Variants in KALRN observed in about 807,000 individuals in gnomAD.
KALRN encodes kalirin RhoGEF kinase, also known as kalirin.
Under a neutral mutation model 353.7 loss-of-function variants are expected in KALRN, and 70 were observed. The observed-to-expected ratio is 0.20, with a 90% confidence interval of 0.16 to 0.24. The LOEUF is 0.24. Among genes scored for constraint, KALRN ranks in the 10% least tolerant of loss-of-function variants. KALRN has a pLI of 1.00. For synonymous variants in KALRN, 1,391 were observed against 1,434.8 expected (o/e 0.97, Z 0.69); for missense variants, 2,791 against 3,756.7 (o/e 0.74, Z 6.72).
intron 49 of KALRN, among the ~76,000 whole-genome samples, chr3:124,676,699 C>A (rs546915870): frequency 3.3e-5 from 5 of 152,342 alleles, no homozygotes; most frequent in African/African-American, 1.2e-4. Context: ...GCTGCCTGCC[C>A]TGGGAGTCCT....
At chr3:124,641,770 A>C (rs971479139) in intron 37 of KALRN, among the ~76,000 whole-genome samples, 3 of 152,228 alleles carry the variant, frequency 2.0e-5, no homozygotes, top group Non-Finnish European at 4.4e-5. Context: ...GCTTGGTATG[A>C]AGCTGGGCAC....
At chr3:124,634,009 T>A (rs1291371672) in intron 36 of KALRN, 56 bp downstream of exon 36, 10 of 1,403,840 alleles carry the variant, frequency 7.1e-6, no homozygotes, top group Non-Finnish European at 9.0e-6. Flanking sequence ...GTGATTTTGT[T>A]TTTTGTGTGT....
At chr3:124,391,361 A>G (rs972063435) in intron 11 of KALRN, among the ~76,000 whole-genome samples, 2 of 152,152 alleles carry the variant, frequency 1.3e-5, no homozygotes, top group Non-Finnish European at 2.9e-5. Context: ...ACCAACGTGG[A>G]AGACAGTGGG....
chr3:124,121,660 T>C (rs911379326), intron 1 of KALRN, among the ~76,000 whole-genome samples: 3 of 152,242 alleles, frequency 2.0e-5, no homozygotes, highest in Non-Finnish European at 2.9e-5. Context: ...AGTGGTGATT[T>C]ATTTCTACTT....
chr3:124,523,926 C>G (rs1280735731), intron 33 of KALRN, among the ~76,000 whole-genome samples: 1 of 152,230 alleles, frequency 6.6e-6, no homozygotes, highest in Non-Finnish European at 1.5e-5. Context: ...TAAATCTGCT[C>G]TCATCTGTCA....
intron 1 of KALRN, among the ~76,000 whole-genome samples, chr3:124,227,732 T>C (rs1431266762): frequency 1.6e-5 from 2 of 121,672 alleles, no homozygotes; most frequent in African/African-American, 6.1e-5. Flanking sequence ...GGTTTCTCCA[T>C]GTGGGGAGGG....
chr3:124,471,189 C>T (rs1177392653), intron 25 of KALRN, among the ~76,000 whole-genome samples: 1 of 151,768 alleles, frequency 6.6e-6, no homozygotes, highest in South Asian at 2.1e-4. Context: ...CTACTGTGTG[C>T]CAGGCACTGG....
At chr3:124,194,625 T>C (rs1453153304) in intron 1 of KALRN, among the ~76,000 whole-genome samples, 2 of 152,222 alleles carry the variant, frequency 1.3e-5, no homozygotes, top group African/African-American at 4.8e-5. Flanking sequence ...AAAACTCCAT[T>C]TTCATGTTAC....
At chr3:124,113,738 C>T (rs1216352598) in intron 1 of KALRN, among the ~76,000 whole-genome samples, 1 of 152,248 alleles carries the variant, frequency 6.6e-6, no homozygotes, top group Non-Finnish European at 1.5e-5. Flanking sequence ...CTGGCTCAGC[C>T]TGCGAGGCTC....
In KALRN at chr3:124,719,306, T is replaced by C; in HGVS notation, c.8797T>C (p.Leu2933=). 6.2e-7 allele frequency: 1 copy of C among 1,614,260 alleles called. No individual in the cohort carries two copies. Among genetic ancestry groups the C allele is most frequent in the Non-Finnish European group, 8.5e-7 (1 of 1,180,052 alleles). The part of the protein sequence containing the change: ...FRRRPTAATC[L]QHPWLQPHNG... ...GAGGCGGCCCACAGCAGCCACATGCTTGCAGCATCCATGGCTGCAGCCCCA... is the reference window on the plus strand; with the variant it reads ...GAGGCGGCCCACAGCAGCCACATGCCTGCAGCATCCATGGCTGCAGCCCCA... Residue 2933 remains leucine, a synonymous_variant, in exon 60 of 60, where the codon TTG becomes CTG. Coordinates refer to ENST00000682506, the MANE Select transcript of KALRN (RefSeq NM_001388419.1). This position sits in a 1 kb window ranked among gnomAD's most constrained non-coding sequence, Gnocchi z 5.3.
chr3:124,211,441 G>A (rs1167512902), intron 1 of KALRN, among the ~76,000 whole-genome samples: 3 of 152,152 alleles, frequency 2.0e-5, no homozygotes, highest in Non-Finnish European at 4.4e-5. Context: ...AACAAATACA[G>A]AAATATGTCC....
intron 1 of KALRN, among the ~76,000 whole-genome samples, chr3:124,153,394 T>G (rs991859448): frequency 1.3e-4 from 20 of 151,244 alleles, no homozygotes; most frequent in Non-Finnish European, 4.4e-5. Context: ...TGCGATAGTT[T>G]ACTGAGAATG....
At chr3:124,287,794 T>C (rs1406602026) in intron 5 of KALRN, among the ~76,000 whole-genome samples, 2 of 18,010 alleles carry the variant, frequency 1.1e-4, no homozygotes, top group African/African-American at 3.1e-4. Context: ...TATATATATA[T>C]ATATATATAT....
In KALRN at chr3:124,234,844, G is replaced by A. The variant is rs781215006; in HGVS notation, c.164G>A (p.Arg55Gln). The change falls in exon 3 of 60, where the codon CGA becomes CAA. Residue 55 changes from arginine to glutamine, a missense_variant. Arg to Gln is a conservative substitution (Grantham distance 43). Around this residue, in one of 11 missense-constraint regions of KALRN, gnomAD observed 110 missense variants for 204.1 expected, o/e 0.54. Coordinates refer to ENST00000682506, the MANE Select transcript of KALRN (RefSeq NM_001388419.1). The part of the protein sequence containing the change: ...VAFVSGGRDK[R>Q]GGPILTFPAR... ...CTTCTTGCAGGGGGTCGTGATAAGCGAGGCGGACCCATCCTGACCTTCCCT... is the reference window on the plus strand; with the variant it reads ...CTTCTTGCAGGGGGTCGTGATAAGCAAGGCGGACCCATCCTGACCTTCCCT... The A allele has an allele frequency of 1.2e-6, 2 of 1,603,466 alleles. No individual in the cohort carries two copies. The highest frequency in any genetic ancestry group is 1.3e-5 in the African/African-American group (1 of 74,766).
Position 124,495,953 on chromosome 3 carries a change from A to ATGTG in KALRN, c.4833-356_4833-353dup, listed in dbSNP as rs370871669. Among the ~76,000 whole-genome samples, 162 of 47,500 alleles carry ATGTG rather than the reference A, an allele frequency of 3.4e-3. 5 individuals carry two copies. The highest frequency in any genetic ancestry group is 4.9e-3 in the Non-Finnish European group (134 of 27,386). 31.2% of individuals were successfully genotyped at this position (47,500 alleles called of 152,430 possible). A position where few individuals can be genotyped will look rare whatever the true frequency, so the allele number is the denominator to read the frequency against. On this transcript the variant is annotated intron_variant, in intron 32 of 59. Transcript: ENST00000682506. Reference sequence around the variant, plus strand: ...TACAGACCCGTTCCCAAGTGTGTGTATGTGTATGTATGTATATATATATAT... The same window carrying ATGTG: ...TACAGACCCGTTCCCAAGTGTGTGTATGTGTGTGTATGTATGTATATATATATAT...
At chr3:124,599,743 A>G (rs182475866) in intron 34 of KALRN, among the ~76,000 whole-genome samples, 1 of 152,342 alleles carries the variant, frequency 6.6e-6, no homozygotes, top group Non-Finnish European at 1.5e-5. Flanking sequence ...TTCTGCTTCA[A>G]AGCAGAAGAC....
chr3:124,134,981 A>G (rs1437130249), intron 1 of KALRN, among the ~76,000 whole-genome samples: 1 of 152,200 alleles, frequency 6.6e-6, no homozygotes, highest in Non-Finnish European at 1.5e-5. Context: ...TTCCTTAAGG[A>G]ACTAAAAGTG....
At chr3:124,418,940 T>G (rs1027825927) in intron 14 of KALRN, among the ~76,000 whole-genome samples, 2 of 152,050 alleles carry the variant, frequency 1.3e-5, no homozygotes, top group Admixed American at 6.5e-5. Flanking sequence ...GGTGATTTTT[T>G]TTTTTAATTC....
intron 18 of KALRN, among the ~76,000 whole-genome samples, chr3:124,440,727 A>G (rs1326533824): frequency 6.6e-6 from 1 of 152,084 alleles, no homozygotes; most frequent in African/African-American, 2.4e-5. Flanking sequence ...GAAAAATGAA[A>G]TAAAATTTCA....
Sources: allele counts gnomAD v4.1 joint callset (sites outside exome capture counted in the v4.1 genomes callset), GRCh38; gene constraint gnomAD v4.1.1; regional missense constraint gnomAD v4.1.1; non-coding constraint Gnocchi (gnomAD v3.1); transcripts MANE v1.5; gene names NCBI Gene and HGNC (gene_info 2026-07-23, HGNC 2026-07-21).